The following ZFPM2 variants were observed in gnomAD, a reference collection of about 807,000 sequenced individuals.
ZFPM2 encodes zinc finger protein ZFPM2.
ZFPM2 carries 20 observed loss-of-function variants against 98.6 expected under a neutral mutation model. The ratio of observed to expected loss-of-function variants is 0.20; its 90% CI spans 0.14 to 0.29. ZFPM2 has a LOEUF of 0.29. ZFPM2 is among the 10% of genes least tolerant of loss of function. The probability of loss-of-function intolerance (pLI) is 1.00; values close to 1 mark genes in which losing one functional copy is unlikely to be tolerated. For synonymous variants in ZFPM2, 518 were observed against 502.7 expected (o/e 1.03, Z -0.41); for missense variants, 1,310 against 1,388.6 (o/e 0.94, Z 0.90).
chr8:105,415,924 A>G (rs775361651), intron 1 of ZFPM2, among the ~76,000 whole-genome samples: 3 of 152,098 alleles, frequency 2.0e-5, no homozygotes, highest in Non-Finnish European at 4.4e-5. Context: ...AATATTGGCA[A>G]TGAGATCTCA....
chr8:105,401,709 C>G (rs902798325), intron 1 of ZFPM2, among the ~76,000 whole-genome samples: 1 of 152,104 alleles, frequency 6.6e-6, no homozygotes, highest in African/African-American at 2.4e-5. Flanking sequence ...CCCAAACTAT[C>G]AAAACCATAT....
At chr8:105,582,245 T>C (rs977727092) in intron 4 of ZFPM2, among the ~76,000 whole-genome samples, 1 of 152,234 alleles carries the variant, frequency 6.6e-6, no homozygotes, top group Admixed American at 6.5e-5. Context: ...TTTAAACTGG[T>C]TGAAGTCAGA....
At chr8:105,498,068 C>T (rs1206913902) in intron 3 of ZFPM2, among the ~76,000 whole-genome samples, 1 of 148,438 alleles carries the variant, frequency 6.7e-6, no homozygotes, top group African/African-American at 2.5e-5. Flanking sequence ...TGTGGTGGTA[C>T]ATGCTTGTGG....
chr8:105,781,357 A>C (rs1813244407), intron 5 of ZFPM2, among the ~76,000 whole-genome samples: 1 of 152,220 alleles, frequency 6.6e-6, no homozygotes, highest in South Asian at 2.1e-4. Flanking sequence ...AGTGCTTAGA[A>C]CAGTGCCTGG....
rs530878884 is a variant in ZFPM2, at chr8:105,381,803, C to T, written c.41-37341C>T. Among the ~76,000 whole-genome samples the T allele has an allele frequency of 8.5e-5, 13 of 152,168 alleles. No homozygotes were observed. The East Asian group carries it at 1.4e-3, about 16-fold the overall frequency. ...GAACAACTGAAGCTTCAAGTGTTTA[C>T]GTAATTGTGGTTTTTTTGATCCACC... On this transcript the variant is annotated intron_variant, in intron 1 of 7. Transcript: ENST00000407775.
chr8:105,700,889 C>T (rs1811126992), intron 5 of ZFPM2, among the ~76,000 whole-genome samples: 1 of 152,180 alleles, frequency 6.6e-6, no homozygotes, highest in Non-Finnish European at 1.5e-5. Context: ...CTGCGCCCAG[C>T]CATCCCTATC....
intron 1 of ZFPM2, among the ~76,000 whole-genome samples, chr8:105,350,883 G>GA (rs970577658): frequency 6.6e-5 from 10 of 152,068 alleles, no homozygotes; most frequent in African/African-American, 2.2e-4. Context: ...ATTCCAGATA[G>GA]AAAATGACAT....
chr8:105,371,723 C>T (rs1810624985), intron 1 of ZFPM2, among the ~76,000 whole-genome samples: 1 of 151,850 alleles, frequency 6.6e-6, no homozygotes, highest in Non-Finnish European at 1.5e-5. Context: ...AAAGGTGATA[C>T]CACCTTATAT....
rs574594710 is a variant in ZFPM2 at position 105,516,235 on chromosome 8, A to G, written c.302-45128A>G. Reference sequence around the variant, plus strand: ...GCCACCGTGCCCAGCCAAAAAGAATAAACTGAATAGTCTTAGTCATGTCCT... The same window carrying G: ...GCCACCGTGCCCAGCCAAAAAGAATGAACTGAATAGTCTTAGTCATGTCCT... On this transcript the variant is annotated intron_variant, in intron 3 of 7. Transcript: ENST00000407775. Among the ~76,000 whole-genome samples the G allele has an allele frequency of 7.2e-5, 11 of 152,172 alleles. No individual in the cohort carries two copies. In the East Asian group the frequency reaches 2.1e-3, roughly 29 times the overall value.
intron 1 of ZFPM2, among the ~76,000 whole-genome samples, chr8:105,321,967 G>A (rs1007353711): frequency 6.6e-6 from 1 of 152,064 alleles, no homozygotes; most frequent in African/African-American, 2.4e-5. Flanking sequence ...GATAAATTAT[G>A]TATTTTGCCC....
intron 3 of ZFPM2, among the ~76,000 whole-genome samples, chr8:105,527,800 A>G (rs113582061): frequency 6.6e-6 from 1 of 152,316 alleles, no homozygotes; most frequent in African/African-American, 2.4e-5. Context: ...TTTTAAAAAG[A>G]TATAACCTGG....
chr8:105,436,307 G>T (rs1228124908), intron 2 of ZFPM2, among the ~76,000 whole-genome samples: 8 of 152,056 alleles, frequency 5.3e-5, no homozygotes, highest in Non-Finnish European at 1.0e-4. Flanking sequence ...GTCACCTGAG[G>T]TCGGGAGTTC....
chr8:105,730,281 T>G (rs1043083594), intron 5 of ZFPM2, among the ~76,000 whole-genome samples: 3 of 151,716 alleles, frequency 2.0e-5, no homozygotes, highest in Admixed American at 2.0e-4. Flanking sequence ...AGTAAGACAG[T>G]TTTGATATTG....
At chr8:105,499,864 G>A (rs1191946572) in intron 3 of ZFPM2, among the ~76,000 whole-genome samples, 8 of 152,246 alleles carry the variant, frequency 5.3e-5, no homozygotes, top group South Asian at 2.1e-4. Flanking sequence ...AGAAATGTAG[G>A]ATTTGCAATG....
chr8:105,412,096 A>C (rs1811587872), intron 1 of ZFPM2, among the ~76,000 whole-genome samples: 1 of 151,880 alleles, frequency 6.6e-6, no homozygotes, highest in African/African-American at 2.4e-5. Context: ...AACTGTTAAT[A>C]CCACCATCTA....
intron 5 of ZFPM2, among the ~76,000 whole-genome samples, chr8:105,776,589 C>G (rs1186830025): frequency 2.0e-5 from 3 of 152,160 alleles, no homozygotes; most frequent in Non-Finnish European, 4.4e-5. Flanking sequence ...TATTCATAGG[C>G]TATAAACAAT....
chr8:105,564,756 A>C (rs2130706780), intron 4 of ZFPM2, among the ~76,000 whole-genome samples: 1 of 152,262 alleles, frequency 6.6e-6, no homozygotes, highest in African/African-American at 2.4e-5. Context: ...TCATAAATTT[A>C]TAAAAATCTC....
At chr8:105,402,028 G>A (rs1052749347) in intron 1 of ZFPM2, among the ~76,000 whole-genome samples, 5 of 151,938 alleles carry the variant, frequency 3.3e-5, no homozygotes, top group Non-Finnish European at 7.4e-5. Context: ...CCTCAATATG[G>A]CATTGTAGTA....
intron 4 of ZFPM2, among the ~76,000 whole-genome samples, chr8:105,562,157 A>T (rs1174636161): frequency 1.3e-5 from 2 of 151,884 alleles, no homozygotes; most frequent in Non-Finnish European, 2.9e-5. Context: ...AATACAAAAA[A>T]AAATTAGCCA....
Sources: allele counts gnomAD v4.1 joint callset (sites outside exome capture counted in the v4.1 genomes callset), GRCh38; gene constraint gnomAD v4.1.1; transcripts MANE v1.5; gene names NCBI Gene and HGNC (gene_info 2026-07-23, HGNC 2026-07-21).